RAD1: variants seen among roughly 807,000 people sequenced by gnomAD.
RAD1 encodes the protein cell cycle checkpoint protein RAD1.
A neutral mutation model predicts 30.0 loss-of-function variants in RAD1; 21 were observed. The observed-to-expected ratio is 0.70, with a 90% CI of 0.50 to 1.01. RAD1 has a LOEUF of 1.01. Ranked by LOEUF, RAD1 falls within the 50% of genes least tolerant of loss-of-function variation. The pLI, the probability that RAD1 is intolerant of heterozygous loss-of-function variation, is 0.00. For missense variants in RAD1, 329 were observed against 329.0 expected, an observed-to-expected ratio of 1.00 and a Z score of 0.00; for synonymous variants, 109 against 113.6, an observed-to-expected ratio of 0.96 and a Z score of 0.26.
Position 34,908,954 on chromosome 5 carries a change from G to A in RAD1, c.666-6C>T, listed in dbSNP as rs371468419. ...TCAGTAAGGAAATCTTGTATCTGTA[G>A]AAGAAAAAATAAAACGCTGTTATAT... On this transcript the variant is annotated splice_polypyrimidine_tract_variant and splice_region_variant and intron_variant, in intron 5 of 5. Coordinates refer to ENST00000382038, the MANE Select transcript of RAD1 (RefSeq NM_002853.4). 22 of 1,594,052 alleles carry A rather than the reference G, an allele frequency of 1.4e-5. No homozygotes were observed. The highest frequency in any genetic ancestry group is 1.7e-5 in the Non-Finnish European group (20 of 1,173,124).
intron 4 of RAD1, among the ~76,000 whole-genome samples, chr5:34,910,563 G>C (rs2111937516): frequency 6.6e-6 from 1 of 152,130 alleles, no homozygotes; most frequent in East Asian, 1.9e-4. Context: ...AAGTAGCTGG[G>C]ATTATAGGCA....
At position 34,907,122 on chromosome 5, in the gene RAD1, G is replaced by A. The variant is rs1185886865; in HGVS notation, c.*1643C>T. 6.6e-6 allele frequency: 1 copy of A among 152,184 alleles called. No individual in the cohort carries two copies. The highest frequency in any genetic ancestry group is 2.4e-5 in the African/African-American group (1 of 41,430). The allele number at this position is 152,184 out of a possible 1,614,324, so 9.4% of individuals were successfully genotyped here. ...TGCCTGGGAAGCAGTGCCTGCCATT[G>A]TGCTGGAGTAGCCTCCTTGCAGCAC... is the stretch of plus-strand genomic sequence containing the variant. On this transcript the variant is annotated 3_prime_UTR_variant, in exon 6 of 6. Coordinates refer to ENST00000382038, the MANE Select transcript of RAD1 (RefSeq NM_002853.4).
intron 1 of RAD1, among the ~76,000 whole-genome samples, 155 bp from the exon 2 acceptor site, chr5:34,915,116 A>C (rs1764008975): frequency 2.0e-5 from 3 of 152,202 alleles, no homozygotes; most frequent in Admixed American, 6.5e-5. Flanking sequence ...TTCTGGAGGA[A>C]AATTATCTAA....
chr5:34,913,824 AGGTCACTT>A, intron 2 of RAD1: 2 of 526,824 alleles, frequency 3.8e-6, no homozygotes, highest in South Asian at 3.6e-5. Context: ...ACTACTGCTA[AGGTCACTT>A]GGAAAATAGA....
In RAD1 at chr5:34,914,928, G is replaced by A; in HGVS notation, c.-36C>T. 1.2e-6 allele frequency: 2 copies of A among 1,610,584 alleles called. No homozygotes were observed. The highest frequency in any genetic ancestry group is 1.7e-6 in the Non-Finnish European group (2 of 1,177,812). On this transcript the variant is annotated 5_prime_UTR_variant, in exon 2 of 6. Coordinates refer to ENST00000382038, the MANE Select transcript of RAD1 (RefSeq NM_002853.4). The stretch of plus-strand genomic sequence containing the variant: ...GCATTCGGCCCCGAGGGATGCTCCT[G>A]GGGCCAACAACTTCTCGGCGGATCG...
Position 34,906,902 on chromosome 5 carries a change from G to C in RAD1, c.*1863C>G, listed in dbSNP as rs1763670775. 1 of 152,034 alleles carries C rather than the reference G, an allele frequency of 6.6e-6. No individual in the cohort carries two copies. Among genetic ancestry groups the C allele is most frequent in the Non-Finnish European group, 1.5e-5 (1 of 67,986 alleles). 9.4% of individuals were successfully genotyped at this position (152,034 alleles called of 1,614,324 possible). A position where few individuals can be genotyped will look rare whatever the true frequency, so the allele number is the denominator to read the frequency against. On this transcript the variant is annotated 3_prime_UTR_variant, in exon 6 of 6. Transcript: ENST00000382038. The stretch of plus-strand genomic sequence containing the variant: ...ATTTTCCCAAGTATCTTTTAGGTTT[G>C]TTCTGTTCTTGGTGGTTATCTAAAC...
At chr5:34,913,348 G>T in intron 3 of RAD1, 122 bp downstream of exon 3, 1 of 491,940 alleles carries the variant, frequency 2.0e-6, no homozygotes, top group Non-Finnish European at 3.7e-6. Flanking sequence ...CCATGACTGT[G>T]GCCACTGAAA....
chr5:34,910,484 G>C (rs1451613102), intron 4 of RAD1, among the ~76,000 whole-genome samples: 1 of 151,238 alleles, frequency 6.6e-6, no homozygotes, highest in African/African-American at 2.4e-5. Flanking sequence ...CTGGAGTGCA[G>C]TGGCGCAATC....
chr5:34,914,978 G>A lies in RAD1; in HGVS notation c.-69-17C>T. On this transcript the variant is annotated splice_polypyrimidine_tract_variant and intron_variant, in intron 1 of 5. Transcript: ENST00000382038. ...GCCAAACACCTGAAGGGATTAGACA[G>A]TAAAACTCCCATCAGTGCTGGCGAG... 6.9e-7 allele frequency: 1 copy of A among 1,446,096 alleles called. No individual in the cohort carries two copies. Among genetic ancestry groups the A allele is most frequent in the Non-Finnish European group, 9.5e-7 (1 of 1,049,340 alleles). 89.6% of individuals were successfully genotyped at this position (1,446,096 alleles called of 1,614,324 possible).
chr5:34,914,951 T>G lies in RAD1; in HGVS notation c.-59A>C. ...CTGGGGCCAACAACTTCTCGGCGGA[T>G]CGCCAAACACCTGAAGGGATTAGAC... On this transcript the variant is annotated 5_prime_UTR_variant, in exon 2 of 6. Coordinates refer to ENST00000382038, the MANE Select transcript of RAD1 (RefSeq NM_002853.4). 6.3e-7 allele frequency: 1 copy of G among 1,581,812 alleles called. No homozygotes were observed. The highest frequency in any genetic ancestry group is 8.6e-7 in the Non-Finnish European group (1 of 1,156,794).
Position 34,909,317 on chromosome 5 carries a change from G to A in RAD1, c.606C>T (p.Asp202=). The A allele has an allele frequency of 6.2e-7, 1 of 1,611,296 alleles. No homozygotes were observed. The highest frequency in any genetic ancestry group is 8.5e-7 in the Non-Finnish European group (1 of 1,177,856). ...CCATCAAATCAGAATCTTTGGGATA[G>A]TCAAGGTGGGAACTTCCTGCATTTC... ...TFGNAGSSHL[D]YPKDSDLMEA... Residue 202 remains aspartate, a synonymous_variant, in exon 5 of 6, where the codon GAC becomes GAT. Transcript: ENST00000382038.
chr5:34,911,913 C>T (rs1321028133), intron 3 of RAD1, 101 bp from the exon 4 acceptor site: 17 of 1,355,376 alleles, frequency 1.3e-5, no homozygotes, highest in African/African-American at 4.4e-5. Context: ...ATTTATTCCG[C>T]CCAATTTCTC....
chr5:34,915,058 C>T, intron 1 of RAD1, 97 bp from the exon 2 acceptor site: 1 of 668,280 alleles, frequency 1.5e-6, no homozygotes. Context: ...AGGCTGAACA[C>T]GGCTGACCAG....
chr5:34,911,768 G>A lies in RAD1; in HGVS notation c.352C>T (p.Pro118Ser). 1 of 1,613,990 alleles carries A rather than the reference G, an allele frequency of 6.2e-7. No individual in the cohort carries two copies. Among genetic ancestry groups the A allele is most frequent in the Non-Finnish European group, 8.5e-7 (1 of 1,179,992 alleles). ...LRMCYQGYGY[P>S]LMLFLEEGGV... ...CCTTCTTCCAGGAACAGCATCAAAG[G>A]GTAACCATAACCTTGGTAACACATT... Residue 118 changes from proline to serine, a missense_variant, in exon 4 of 6, where the codon CCT becomes TCT. By Grantham distance (74) the Pro-to-Ser change is moderately conservative. Transcript: ENST00000382038.
rs996374956 is a variant in RAD1, at chr5:34,906,758, G to A, written c.*2007C>T. The A allele has an allele frequency of 3.3e-5, 5 of 152,190 alleles. No individual in the cohort carries two copies. Among genetic ancestry groups the A allele is most frequent in the African/African-American group, 1.2e-4 (5 of 41,442 alleles). The allele number at this position is 152,190 out of a possible 1,614,324, so 9.4% of individuals were successfully genotyped here. Reference sequence around the variant, plus strand: ...AAATTGGAGAGTCTTTCATCTAACAGAGTTACTAAATGCCCATTATATGTT... The same window carrying A: ...AAATTGGAGAGTCTTTCATCTAACAAAGTTACTAAATGCCCATTATATGTT... On this transcript the variant is annotated 3_prime_UTR_variant, in exon 6 of 6. Coordinates refer to ENST00000382038, the MANE Select transcript of RAD1 (RefSeq NM_002853.4).
chr5:34,909,961 GC>G (rs1173353547), intron 4 of RAD1, among the ~76,000 whole-genome samples: 2 of 152,026 alleles, frequency 1.3e-5, no homozygotes, highest in Non-Finnish European at 2.9e-5. Flanking sequence ...CTCCATTTCT[GC>G]CTCCCATCTT....
At position 34,905,775 on chromosome 5, in the gene RAD1, T is replaced by G. The variant is rs1048948704; in HGVS notation, c.*2990A>C. On this transcript the variant is annotated 3_prime_UTR_variant, in exon 6 of 6. Transcript: ENST00000382038. ...GAGGGAGCACTCCCCCTAGTGATTT[T>G]CCATAGGAAATAAAGTTAAACTTTT... is the stretch of plus-strand genomic sequence containing the variant. 18 of 152,062 alleles carry G rather than the reference T, an allele frequency of 1.2e-4. No homozygotes were observed. Among genetic ancestry groups the G allele is most frequent in the African/African-American group, 4.3e-4 (18 of 41,386 alleles). The allele number at this position is 152,062 out of a possible 1,614,324, so 9.4% of individuals were successfully genotyped here. A position where few individuals can be genotyped will look rare whatever the true frequency, so the allele number is the denominator to read the frequency against.
At position 34,908,378 on chromosome 5, in the gene RAD1, T is replaced by C. The variant is rs1763719495; in HGVS notation, c.*387A>G. ...TTAGTAGAGATGGGGTTTCTCCACGTTGGTCAGGCTGGTCTCGAACTCCTG... is the reference window on the plus strand; with the variant it reads ...TTAGTAGAGATGGGGTTTCTCCACGCTGGTCAGGCTGGTCTCGAACTCCTG... On this transcript the variant is annotated 3_prime_UTR_variant, in exon 6 of 6. Transcript: ENST00000382038. The C allele has an allele frequency of 6.5e-6, 1 of 153,526 alleles. No individual in the cohort carries two copies. The highest frequency in any genetic ancestry group is 1.4e-5 in the Non-Finnish European group (1 of 68,998). The allele number at this position is 153,526 out of a possible 1,614,324, so 9.5% of individuals were successfully genotyped here. A position where few individuals can be genotyped will look rare whatever the true frequency, so the allele number is the denominator to read the frequency against.
intron 1 of RAD1, 73 bp from the exon 2 acceptor site, chr5:34,915,034 G>A (rs953254360): frequency 1.2e-6 from 1 of 824,002 alleles, no homozygotes; most frequent in Admixed American, 2.6e-5. Context: ...GCTGAGAGGT[G>A]GAAAGGGGCT....
Sources: allele counts gnomAD v4.1 joint callset (sites outside exome capture counted in the v4.1 genomes callset), GRCh38; gene constraint gnomAD v4.1.1; transcripts MANE v1.5; gene names NCBI Gene and HGNC (gene_info 2026-07-23, HGNC 2026-07-21).